Variants in GPR55 observed in about 807,000 individuals in gnomAD.
GPR55 encodes the protein G-protein coupled receptor 55.
GPR55 carries 6 observed loss-of-function variants against 7.9 expected under a neutral mutation model. The ratio of observed to expected loss-of-function variants is 0.76; its 90% CI spans 0.41 to 1.49. The LOEUF (loss-of-function observed/expected upper bound fraction) is 1.49, where lower values mean the gene tolerates loss of function less well. Ranked by LOEUF, GPR55 falls within the 40% of genes most tolerant of loss-of-function variation. GPR55 has a pLI of 0.01. For missense variants in GPR55, 376 were observed against 406.0 expected (o/e 0.93, Z 0.63); for synonymous variants, 183 against 166.8 (o/e 1.10, Z -0.75).
At chr2:230,950,888 T>G (rs1326317789) in intron 1 of GPR55, among the ~76,000 whole-genome samples, 3 of 152,116 alleles carry the variant, frequency 2.0e-5, no homozygotes, top group Non-Finnish European at 4.4e-5. Flanking sequence ...GAAGGAACGC[T>G]GACATCATGA....
rs1690477802 is a variant in GPR55 at position 230,907,538 on chromosome 2, C to A, written c.*2465G>T. On this transcript the variant is annotated 3_prime_UTR_variant, in exon 2 of 2. Coordinates refer to ENST00000650999, the MANE Select transcript of GPR55 (RefSeq NM_005683.4). Reference sequence around the variant, plus strand: ...GCCCGCTCCCACAGACACGGGTCCCCACGGAGAAGAGGCCCTTCTTTCCAC... The same window carrying A: ...GCCCGCTCCCACAGACACGGGTCCCAACGGAGAAGAGGCCCTTCTTTCCAC... The A allele has an allele frequency of 6.6e-6, 1 of 152,278 alleles. No individual in the cohort carries two copies. Among genetic ancestry groups the A allele is most frequent in the Non-Finnish European group, 1.5e-5 (1 of 68,130 alleles). The allele number at this position is 152,278 out of a possible 1,614,324, so 9.4% of individuals were successfully genotyped here. A position where few individuals can be genotyped will look rare whatever the true frequency, so the allele number is the denominator to read the frequency against.
intron 1 of GPR55, among the ~76,000 whole-genome samples, chr2:230,911,748 T>A (rs369010232): frequency 2.0e-5 from 3 of 152,152 alleles, no homozygotes; most frequent in East Asian, 3.9e-4. Flanking sequence ...GAAATGGCAT[T>A]CCCAGAAGGA....
At chr2:230,952,189 A>G (rs1303743132) in intron 1 of GPR55, among the ~76,000 whole-genome samples, 1 of 152,254 alleles carries the variant, frequency 6.6e-6, no homozygotes, top group Non-Finnish European at 1.5e-5. Context: ...GCCAAGGCCT[A>G]TAGGGACAGG....
chr2:230,939,323 G>A (rs902425594), intron 1 of GPR55, among the ~76,000 whole-genome samples: 1 of 152,216 alleles, frequency 6.6e-6, no homozygotes, highest in African/African-American at 2.4e-5. Flanking sequence ...GCCTGGGGGA[G>A]CTGGGAGATG....
At chr2:230,947,132 G>A (rs1458023927) in intron 1 of GPR55, among the ~76,000 whole-genome samples, 1 of 152,174 alleles carries the variant, frequency 6.6e-6, no homozygotes, top group African/African-American at 2.4e-5. Flanking sequence ...GCCATTAGCT[G>A]ACAAATCGCT....
chr2:230,922,286 T>C (rs1286998497), intron 1 of GPR55, among the ~76,000 whole-genome samples: 1 of 152,226 alleles, frequency 6.6e-6, no homozygotes, highest in Non-Finnish European at 1.5e-5. Flanking sequence ...CTTCTCCTCC[T>C]GGCTCCCTCT....
rs1405223183 is a variant in GPR55, at chr2:230,907,888, A to C, written c.*2115T>G. On this transcript the variant is annotated 3_prime_UTR_variant, in exon 2 of 2. Transcript: ENST00000650999. ...TAAGCACATTGGTAGACCCAAGTGC[A>C]CATGACGGGCATCACTCAACTCCAC... is the stretch of plus-strand genomic sequence containing the variant. 5 of 152,188 alleles carry C rather than the reference A, an allele frequency of 3.3e-5. No individual in the cohort carries two copies. Among genetic ancestry groups the C allele is most frequent in the African/African-American group, 4.8e-5 (2 of 41,446 alleles). The allele number at this position is 152,188 out of a possible 1,614,324, so 9.4% of individuals were successfully genotyped here. A position where few individuals can be genotyped will look rare whatever the true frequency, so the allele number is the denominator to read the frequency against.
At position 230,924,813 on chromosome 2, in the gene GPR55, A is replaced by G. The variant is rs1690913409; in HGVS notation, c.-135+355T>C. Among the ~76,000 whole-genome samples, 2 of 152,046 alleles carry G rather than the reference A, an allele frequency of 1.3e-5. No homozygotes were observed. Among genetic ancestry groups the G allele is most frequent in the African/African-American group, 4.8e-5 (2 of 41,410 alleles). On this transcript the variant is annotated intron_variant, in intron 1 of 1. Transcript: ENST00000650999. The surrounding 1 kb of genome is among the most constrained non-coding windows in gnomAD (Gnocchi z 4.5). ...GGCGGGCTTGGTGGAGGGCGGTGGC[A>G]CGTGAGCTACATGCCCCGGGAAGGC...
chr2:230,922,102 G>A (rs548251316), intron 1 of GPR55, among the ~76,000 whole-genome samples: 3 of 152,212 alleles, frequency 2.0e-5, no homozygotes, highest in Non-Finnish European at 2.9e-5. Flanking sequence ...CCAGGGTGCT[G>A]TAGAGGGAAT....
At chr2:230,937,046 G>C (rs6748156) in intron 1 of GPR55, among the ~76,000 whole-genome samples, 1 of 151,946 alleles carries the variant, frequency 6.6e-6, no homozygotes, top group Non-Finnish European at 1.5e-5. Context: ...AACACAATAG[G>C]CTTCCTTGAA....
chr2:230,948,925 C>A (rs1691356964), intron 1 of GPR55, among the ~76,000 whole-genome samples: 1 of 151,990 alleles, frequency 6.6e-6, no homozygotes, highest in Admixed American at 6.6e-5. Flanking sequence ...AAAAAATAGT[C>A]CGGTTTGGTG....
chr2:230,945,988 TGAA>T (rs1691307073), intron 1 of GPR55, among the ~76,000 whole-genome samples: 1 of 152,234 alleles, frequency 6.6e-6, no homozygotes, highest in Admixed American at 6.5e-5. Context: ...CATCAGTGGA[TGAA>T]TGGATTAAAA....
chr2:230,939,812 G>A (rs1691193646), intron 1 of GPR55, among the ~76,000 whole-genome samples: 1 of 152,102 alleles, frequency 6.6e-6, no homozygotes, highest in Non-Finnish European at 1.5e-5. Flanking sequence ...GATGGGTGGA[G>A]GAAGTCCTTG....
At chr2:230,939,866 C>A (rs1381238039) in intron 1 of GPR55, among the ~76,000 whole-genome samples, 1 of 152,046 alleles carries the variant, frequency 6.6e-6, no homozygotes. Flanking sequence ...CACCCAGGGG[C>A]AAGCAGGCTG....
intron 1 of GPR55, among the ~76,000 whole-genome samples, chr2:230,915,833 C>T (rs1690698792): frequency 9.8e-6 from 1 of 101,606 alleles, no homozygotes; most frequent in Non-Finnish European, 1.8e-5. Flanking sequence ...TCCAACCAGG[C>T]GTTCTTCTGG....
intron 1 of GPR55, among the ~76,000 whole-genome samples, chr2:230,932,867 GCT>G (rs144563608): frequency 2.7e-4 from 41 of 149,980 alleles, no homozygotes; most frequent in Non-Finnish European, 4.0e-4. Flanking sequence ...CAGGACTGCT[GCT>G]CTCTCTCTCT....
chr2:230,945,200 A>G (rs2125067554), intron 1 of GPR55, among the ~76,000 whole-genome samples: 1 of 152,302 alleles, frequency 6.6e-6, no homozygotes, highest in African/African-American at 2.4e-5. Context: ...AGGAAAGGCA[A>G]TTCCCAGAAT....
rs1690513241 is a variant in GPR55, at chr2:230,908,756, T to TC, written c.*1246dup. On this transcript the variant is annotated 3_prime_UTR_variant, in exon 2 of 2. Transcript: ENST00000650999. ...ATGGATCCTTCTCATCATTTCACTCTCCGGAGCAGCTGAGTCATTGGGAGG... is the reference window on the plus strand; with the variant it reads ...ATGGATCCTTCTCATCATTTCACTCTCCCGGAGCAGCTGAGTCATTGGGAGG... 1 of 152,402 alleles carries TC rather than the reference T, an allele frequency of 6.6e-6. No homozygotes were observed. The highest frequency in any genetic ancestry group is 2.1e-4 in the South Asian group (1 of 4,824). The allele number at this position is 152,402 out of a possible 1,614,324, so 9.4% of individuals were successfully genotyped here. A position where few individuals can be genotyped will look rare whatever the true frequency, so the allele number is the denominator to read the frequency against.
intron 1 of GPR55, 77 bp from the exon 2 acceptor site, chr2:230,911,173 T>C: frequency 3.5e-6 from 2 of 568,956 alleles, no homozygotes; most frequent in Middle Eastern, 9.4e-4. Context: ...TGTATATCAT[T>C]CCAGACTCGC....
Sources: gnomAD v4.1 joint callset for allele counts (sites outside exome capture counted in the v4.1 genomes callset) on GRCh38, gnomAD v4.1.1 for gene constraint, Gnocchi (gnomAD v3.1) non-coding constraint, MANE v1.5 for transcripts, NCBI Gene and HGNC (gene_info 2026-07-23, HGNC 2026-07-21) for gene names.